The following CTNNA2 variants were observed in gnomAD, a reference collection of about 807,000 sequenced individuals.
CTNNA2 encodes catenin alpha 2.
Under a neutral mutation model 101.0 loss-of-function variants are expected in CTNNA2, and 42 were observed. That is an observed-to-expected ratio of 0.42 (90% CI 0.32 to 0.54). CTNNA2 has a LOEUF of 0.54. CTNNA2 is among the 20% of genes least tolerant of loss of function. The pLI is 0.14. For synonymous variants in CTNNA2, 450 were observed against 456.4 expected, an observed-to-expected ratio of 0.99 and a Z score of 0.18; for missense variants, 871 against 1,223.1, an observed-to-expected ratio of 0.71 and a Z score of 4.29.
rs554025536 is a variant in CTNNA2, at chr2:79,979,853, T to A, written c.1056+70056T>A. ...ATGCAGAGAAAGGAGCTTGGCTAGA[T>A]GTTGACTTATATAAAGCAAAACCTT... On this transcript the variant is annotated intron_variant, in intron 7 of 18. Coordinates refer to ENST00000402739, the MANE Select transcript of CTNNA2 (RefSeq NM_001282597.3). Among the ~76,000 whole-genome samples the A allele has an allele frequency of 1.5e-3, 222 of 152,300 alleles. 1 individual carries two copies. Among genetic ancestry groups the A allele is most frequent in the African/African-American group, 5.0e-3 (209 of 41,578 alleles).
chr2:80,333,269 A>G (rs1671494131), intron 7 of CTNNA2, among the ~76,000 whole-genome samples: 1 of 152,080 alleles, frequency 6.6e-6, no homozygotes, highest in Non-Finnish European at 1.5e-5. Flanking sequence ...GCAGAAGGTA[A>G]TCCCCTTACC....
chr2:79,946,229 C>G (rs1001848691), intron 7 of CTNNA2, among the ~76,000 whole-genome samples: 4 of 152,072 alleles, frequency 2.6e-5, no homozygotes, highest in African/African-American at 9.7e-5. Context: ...GGAACTAGAG[C>G]CATGTCTCTT....
intron 1 of CTNNA2, among the ~76,000 whole-genome samples, chr2:79,632,635 A>G (rs1006276252): frequency 2.2e-4 from 33 of 152,226 alleles, no homozygotes; most frequent in Admixed American, 8.5e-4. Context: ...ATTTCTCAGT[A>G]GGATCACTGT....
intron 7 of CTNNA2, among the ~76,000 whole-genome samples, chr2:79,939,264 C>CTT (rs1491551085): frequency 2.6e-5 from 4 of 151,494 alleles, no homozygotes; most frequent in African/African-American, 9.8e-5. Flanking sequence ...GCTGAAGTAG[C>CTT]TTGTAGCATC....
chr2:79,281,190 A>G (rs78175110), intron 2 of CTNNA2, among the ~76,000 whole-genome samples: 435 of 152,136 alleles, frequency 2.9e-3, no homozygotes, highest in African/African-American at 0.01. Flanking sequence ...TATCAGTCAG[A>G]TGCCCTGTAT....
At chr2:80,282,769 T>C (rs1191509898) in intron 7 of CTNNA2, among the ~76,000 whole-genome samples, 1 of 152,208 alleles carries the variant, frequency 6.6e-6, no homozygotes, top group African/African-American at 2.4e-5. Flanking sequence ...TGTTGCTTAC[T>C]AGTTATGTCT....
intron 7 of CTNNA2, among the ~76,000 whole-genome samples, chr2:80,249,367 A>G (rs1671581107): frequency 6.6e-6 from 1 of 152,158 alleles, no homozygotes; most frequent in Non-Finnish European, 1.5e-5. Context: ...AGGCCTCCTT[A>G]CTTCCCTTCC....
chr2:79,193,114 T>C (rs1673896742), intron 1 of CTNNA2, among the ~76,000 whole-genome samples: 1 of 152,206 alleles, frequency 6.6e-6, no homozygotes, highest in African/African-American at 2.4e-5. Context: ...TTATATATTC[T>C]TCTGTAACTT....
At chr2:79,232,259 A>G (rs1311555472) in intron 2 of CTNNA2, among the ~76,000 whole-genome samples, 3 of 152,108 alleles carry the variant, frequency 2.0e-5, no homozygotes, top group Admixed American at 6.6e-5. Context: ...TAGGATTTTT[A>G]TCATGAAGAA....
intron 7 of CTNNA2, among the ~76,000 whole-genome samples, chr2:80,387,387 T>C (rs1677118026): frequency 6.6e-6 from 1 of 152,206 alleles, no homozygotes. Flanking sequence ...TTGTGTATTA[T>C]TCAGCATGTT....
At chr2:80,043,043 C>CT (rs1356842961) in intron 7 of CTNNA2, among the ~76,000 whole-genome samples, 4 of 10,492 alleles carry the variant, frequency 3.8e-4, no homozygotes, top group Non-Finnish European at 7.3e-4. Context: ...TTCTTTCCTT[C>CT]TTTCTTTCTT....
chr2:79,800,783 G>A (rs1427743134), intron 3 of CTNNA2, among the ~76,000 whole-genome samples: 1 of 152,170 alleles, frequency 6.6e-6, no homozygotes, highest in Non-Finnish European at 1.5e-5. Flanking sequence ...GACAATTTTA[G>A]TCTGATGGAT....
Position 79,583,930 on chromosome 2 carries a change from C to T in CTNNA2, c.-5-67622C>T, listed in dbSNP as rs1349273899. Among the ~76,000 whole-genome samples the T allele has an allele frequency of 7.9e-5, 12 of 152,096 alleles. No homozygotes were observed. The South Asian group carries it at 2.5e-3, about 32-fold the overall frequency. On this transcript the variant is annotated intron_variant, in intron 1 of 18. Coordinates refer to ENST00000402739, the MANE Select transcript of CTNNA2 (RefSeq NM_001282597.3). ...TGTTTTCTTTAACCTGATCTTTGAG[C>T]ATTCATTATTCCCATAAACTGGAAA...
intron 2 of CTNNA2, among the ~76,000 whole-genome samples, chr2:79,228,720 CTT>C (rs540250951): frequency 4.1e-5 from 6 of 145,614 alleles, no homozygotes; most frequent in Admixed American, 6.9e-5. Context: ...TCTGTTGATG[CTT>C]TTTTTTTTGC....
At chr2:79,975,918 C>A (rs544772797) in intron 7 of CTNNA2, among the ~76,000 whole-genome samples, 1 of 152,122 alleles carries the variant, frequency 6.6e-6, no homozygotes, top group Non-Finnish European at 1.5e-5. Flanking sequence ...AACCATTGGC[C>A]GTTAGTGAGG....
chr2:80,177,399 TAGCTG>T (rs1250425535), intron 7 of CTNNA2, among the ~76,000 whole-genome samples: 12 of 152,278 alleles, frequency 7.9e-5, no homozygotes, highest in African/African-American at 2.9e-4. Context: ...TGCCACCAAG[TAGCTG>T]GTTGATTACC....
In CTNNA2 at chr2:80,053,611, C is replaced by A. The variant is rs550577830; in HGVS notation, c.1056+143814C>A. 2.6e-5 allele frequency among the ~76,000 whole-genome samples: 4 copies of A among 152,274 alleles called. No homozygotes were observed. The East Asian group carries it at 7.7e-4, about 29-fold the overall frequency. On this transcript the variant is annotated intron_variant, in intron 7 of 18. Transcript: ENST00000402739. Reference sequence around the variant, plus strand: ...ACAGTGCAAAGGTGTCACTTCCAAACCTTGTTAAAATGCAGTTTCTGATTC... The same window carrying A: ...ACAGTGCAAAGGTGTCACTTCCAAAACTTGTTAAAATGCAGTTTCTGATTC...
intron 7 of CTNNA2, among the ~76,000 whole-genome samples, chr2:80,175,577 T>G (rs922748279): frequency 6.6e-6 from 1 of 152,216 alleles, no homozygotes; most frequent in Non-Finnish European, 1.5e-5. Flanking sequence ...CCAAATAAGA[T>G]TCCTGCTCTC....
chr2:79,821,700 T>C (rs892232842), intron 3 of CTNNA2, among the ~76,000 whole-genome samples: 1 of 152,198 alleles, frequency 6.6e-6, no homozygotes, highest in Non-Finnish European at 1.5e-5. Context: ...AAAAAATGAA[T>C]TATAAATTTA....
Sources: allele counts gnomAD v4.1 joint callset (sites outside exome capture counted in the v4.1 genomes callset), GRCh38; gene constraint gnomAD v4.1.1; transcripts MANE v1.5; gene names NCBI Gene and HGNC (gene_info 2026-07-23, HGNC 2026-07-21).